The following MYH15 variants were observed in gnomAD, a reference collection of about 807,000 sequenced individuals.
MYH15 encodes myosin heavy chain 15.
Under a neutral mutation model 240.5 loss-of-function variants are expected in MYH15, and 227 were observed. The observed-to-expected ratio is 0.94, with a 90% CI of 0.85 to 1.05. MYH15 has a LOEUF of 1.05. MYH15 is among the 50% of genes least tolerant of loss of function. The pLI is 0.00. For missense variants in MYH15, 2,217 were observed against 2,247.5 expected, an observed-to-expected ratio of 0.99 and a Z score of 0.27; for synonymous variants, 785 against 796.7, an observed-to-expected ratio of 0.99 and a Z score of 0.25.
intron 1 of MYH15, among the ~76,000 whole-genome samples, chr3:108,523,524 T>A (rs1047164793): frequency 3.9e-5 from 6 of 152,092 alleles, no homozygotes; most frequent in African/African-American, 1.4e-4. Context: ...CCTGTACATA[T>A]ATAAATAACA....
In MYH15 at chr3:108,456,769, T is replaced by C. The variant is rs764573693; in HGVS notation, c.2135A>G (p.Gln712Arg). The C allele has an allele frequency of 1.9e-6, 3 of 1,605,842 alleles. No individual in the cohort carries two copies. The highest frequency in any genetic ancestry group is 2.6e-6 in the Non-Finnish European group (3 of 1,172,794). Reference protein sequence around the residue: ...PNRLQYADFKQRYCILNPRTF... With the variant: ...PNRLQYADFKRRYCILNPRTF... ...GGATCCTAGAATGTAGGTTTACCTT[T>C]GTTTAAAATCAGCATACTGCAGTCG... Residue 712 changes from glutamine to arginine, a missense_variant, in exon 19 of 41, where the codon CAA (glutamine) becomes CGA (arginine). Coordinates refer to ENST00000693548, the MANE Select transcript of MYH15 (RefSeq NM_014981.3).
In MYH15 at chr3:108,439,994, G is replaced by A. The variant is rs1467900171; in HGVS notation, c.2899-81C>T. On this transcript the variant is annotated intron_variant, in intron 23 of 40. Transcript: ENST00000693548. ...CACTGAGGGTCATTTCTCTTCTGTC[G>A]TCCAAAACTACGCATGAGGTATCCA... The A allele has an allele frequency of 3.1e-5, 39 of 1,271,506 alleles. No homozygotes were observed. The South Asian group carries it at 3.1e-4, about 10-fold the overall frequency. 78.8% of individuals were successfully genotyped at this position (1,271,506 alleles called of 1,614,324 possible). A position where few individuals can be genotyped will look rare whatever the true frequency, so the allele number is the denominator to read the frequency against.
intron 30 of MYH15, among the ~76,000 whole-genome samples, chr3:108,412,419 T>C (rs980463614): frequency 2.0e-5 from 3 of 152,190 alleles, no homozygotes; most frequent in African/African-American, 4.8e-5. Context: ...GCCCCAGCCA[T>C]GGTGAACTGT....
intron 35 of MYH15, 110 bp from the exon 36 acceptor site, chr3:108,394,266 A>T: frequency 1.4e-6 from 2 of 1,390,198 alleles, no homozygotes; most frequent in Non-Finnish European, 2.0e-6. Context: ...AGCAAATTTT[A>T]TTATAGTGAG....
chr3:108,464,056 T>G (rs1419462907), intron 15 of MYH15, among the ~76,000 whole-genome samples: 1 of 152,170 alleles, frequency 6.6e-6, no homozygotes, highest in African/African-American at 2.4e-5. Flanking sequence ...AACATATCTG[T>G]GTACAGCTGG....
chr3:108,453,840 G>C (rs2082996283), intron 21 of MYH15, among the ~76,000 whole-genome samples, 166 bp downstream of exon 21: 1 of 152,168 alleles, frequency 6.6e-6, no homozygotes, highest in Admixed American at 6.5e-5. Flanking sequence ...GGCAATAAAA[G>C]CCCTTTGCAC....
At chr3:108,398,124 C>T (rs780267649) in intron 35 of MYH15, among the ~76,000 whole-genome samples, 3 of 152,010 alleles carry the variant, frequency 2.0e-5, no homozygotes. Flanking sequence ...TAAAATGAGG[C>T]CATTAGGGTG....
rs746314486 is a variant in MYH15 at position 108,476,515 on chromosome 3, T to C, written c.1115A>G (p.Asn372Ser). ...CATGAGGAAAGCAGCTTTGTCAGCA[T>C]CTGGTCATCAGAAATAGAAGAAAAG... ...EEQLEADGTE[N>S]ADKAAFLMGI... Residue 372 changes from asparagine to serine, a missense_variant and splice_region_variant, in exon 12 of 41, where the codon AAT becomes AGT. Physicochemically the swap from Asn to Ser is conservative, Grantham distance 46. Transcript: ENST00000693548. 2.5e-6 allele frequency: 4 copies of C among 1,587,116 alleles called. No individual in the cohort carries two copies. In the African/African-American group the frequency reaches 4.0e-5, roughly 16 times the overall value.
chr3:108,392,345 C>T (rs1440511523), intron 36 of MYH15, among the ~76,000 whole-genome samples: 1 of 152,210 alleles, frequency 6.6e-6, no homozygotes, highest in African/African-American at 2.4e-5. Flanking sequence ...AATCTTTTCA[C>T]ATCTCACTTC....
chr3:108,481,945 C>T (rs961228842), intron 11 of MYH15, among the ~76,000 whole-genome samples: 4 of 152,186 alleles, frequency 2.6e-5, no homozygotes, highest in African/African-American at 7.2e-5. Context: ...GGCTGACTGA[C>T]ACTGTGAAAG....
At position 108,409,980 on chromosome 3, in the gene MYH15, G is replaced by A. The variant is rs1015726963; in HGVS notation, c.4495+603C>T. On this transcript the variant is annotated intron_variant, in intron 31 of 40. Coordinates refer to ENST00000693548, the MANE Select transcript of MYH15 (RefSeq NM_014981.3). ...AGGCATGCAAAGACCCACAAGGTACGTGGGAAGGTTGCACAGCTCAGTAGT... is the reference window on the plus strand; with the variant it reads ...AGGCATGCAAAGACCCACAAGGTACATGGGAAGGTTGCACAGCTCAGTAGT... 7.9e-5 allele frequency among the ~76,000 whole-genome samples: 12 copies of A among 152,272 alleles called. No individual in the cohort carries two copies. In the South Asian group the frequency reaches 8.3e-4, roughly 11 times the overall value.
At chr3:108,487,492 A>C (rs935637154) in intron 9 of MYH15, among the ~76,000 whole-genome samples, 7 of 152,234 alleles carry the variant, frequency 4.6e-5, no homozygotes, top group African/African-American at 1.7e-4. Flanking sequence ...AGAATTTCAA[A>C]ATAATTATGC....
intron 12 of MYH15, among the ~76,000 whole-genome samples, chr3:108,474,988 A>T (rs1576257061): frequency 6.6e-6 from 1 of 152,196 alleles, no homozygotes; most frequent in East Asian, 1.9e-4. Context: ...TAGTATAGTT[A>T]GTATTATAGT....
intron 38 of MYH15, among the ~76,000 whole-genome samples, chr3:108,385,586 C>T (rs2082377386): frequency 6.6e-6 from 1 of 152,118 alleles, no homozygotes. Flanking sequence ...TCCTCATGCC[C>T]CTTTAACTGG....
At chr3:108,390,341 T>G (rs2082414667) in intron 37 of MYH15, among the ~76,000 whole-genome samples, 1 of 152,202 alleles carries the variant, frequency 6.6e-6, no homozygotes, top group African/African-American at 2.4e-5. Flanking sequence ...AAGGAGTTCA[T>G]TGCTGGTCGT....
chr3:108,520,897 TC>T (rs2083613031), intron 1 of MYH15, among the ~76,000 whole-genome samples: 1 of 152,128 alleles, frequency 6.6e-6, no homozygotes, highest in South Asian at 2.1e-4. Context: ...AAGTGATTGT[TC>T]CAATCAATTT....
rs117401468 is a variant in MYH15 at position 108,489,153 on chromosome 3, T to C, written c.872-2627A>G. 2.0e-5 allele frequency among the ~76,000 whole-genome samples: 3 copies of C among 152,332 alleles called. No individual in the cohort carries two copies. The East Asian group carries it at 5.8e-4, about 29-fold the overall frequency. On this transcript the variant is annotated intron_variant, in intron 9 of 40. Transcript: ENST00000693548. The stretch of plus-strand genomic sequence containing the variant: ...AGTTGAGTTCTTTATATATTTTAGA[T>C]ATTCAGCCCTTATAAGATGTACAGT...
the MYH15 span, among the ~76,000 whole-genome samples, chr3:108,535,990 G>C: frequency 6.6e-6 from 1 of 152,162 alleles, no homozygotes; most frequent in African/African-American, 2.4e-5. Context: ...TGTTTAGGCA[G>C]GGCGAGGTGG....
intron 30 of MYH15, 80 bp downstream of exon 30, chr3:108,414,152 A>G: frequency 1.4e-6 from 2 of 1,435,170 alleles, no homozygotes; most frequent in Non-Finnish European, 1.9e-6. Flanking sequence ...GCATACCATG[A>G]GGCCTTGGAG....
Sources: gnomAD v4.1 joint callset for allele counts (sites outside exome capture counted in the v4.1 genomes callset) on GRCh38, gnomAD v4.1.1 for gene constraint, MANE v1.5 for transcripts, NCBI Gene and HGNC (gene_info 2026-07-23, HGNC 2026-07-21) for gene names.